The following SVIL variants were observed in gnomAD, a reference collection of about 807,000 sequenced individuals.
SVIL encodes the protein archvillin.
SVIL carries 101 observed loss-of-function variants against 240.4 expected under a neutral mutation model. The ratio of observed to expected loss-of-function variants is 0.42; its 90% CI spans 0.36 to 0.50. The LOEUF (loss-of-function observed/expected upper bound fraction) is 0.50, where lower values mean the gene tolerates loss of function less well. SVIL is among the 20% of genes least tolerant of loss of function. The probability of loss-of-function intolerance (pLI) is 0.01; values close to 1 mark genes in which losing one functional copy is unlikely to be tolerated. For missense variants in SVIL, 2,512 were observed against 2,818.7 expected, an observed-to-expected ratio of 0.89 and a Z score of 2.46; for synonymous variants, 999 against 1,100.0, an observed-to-expected ratio of 0.91 and a Z score of 1.82.
chr10:29,697,033 CCCGGCCAGCCGCCCCGT>C (rs1298652155), intron 1 of SVIL, among the ~76,000 whole-genome samples: 2 of 139,452 alleles, frequency 1.4e-5, no homozygotes, highest in Admixed American at 6.9e-5. Flanking sequence ...CAGCCCCCCG[CCCGGCCAGCCGCCCCGT>C]CCGGGAGGTG....
intron 17 of SVIL, among the ~76,000 whole-genome samples, chr10:29,504,233 T>G (rs1424950914): frequency 6.6e-6 from 1 of 152,200 alleles, no homozygotes; most frequent in South Asian, 2.1e-4. Flanking sequence ...ATTAAAACTA[T>G]AAAACTCCTA....
At chr10:29,636,015 T>C (rs182043498), upstream of SVIL, among the ~76,000 whole-genome samples, 3 of 152,224 alleles carry the variant, frequency 2.0e-5, no homozygotes, top group Admixed American at 2.0e-4. Flanking sequence ...AGGACAGTCC[T>C]GAGGCCAGGT....
chr10:29,498,281 G>A (rs1297963635), intron 18 of SVIL, among the ~76,000 whole-genome samples: 1 of 151,806 alleles, frequency 6.6e-6, no homozygotes, highest in East Asian at 1.9e-4. Flanking sequence ...AGCCAGGCAT[G>A]GTGGTGGCGG....
chr10:29,596,618 TGG>T (rs1956601145), intron 1 of SVIL, among the ~76,000 whole-genome samples: 1 of 152,186 alleles, frequency 6.6e-6, no homozygotes, highest in African/African-American at 2.4e-5. Context: ...TCAGGGCCAC[TGG>T]GCATTGGGCT....
chr10:29,665,228 A>C (rs112039069), intron 2 of SVIL, among the ~76,000 whole-genome samples: 247 of 38,390 alleles, frequency 6.4e-3, no homozygotes, highest in Middle Eastern at 0.015. Context: ...ATCTTGTCTC[A>C]AAAAAAAAAA....
chr10:29,653,076 T>C (rs1247452), intron 3 of SVIL, among the ~76,000 whole-genome samples: 104,722 of 151,336 alleles, frequency 0.69, 36,753 homozygotes, highest in South Asian at 0.81. Context: ...AACAATCCTC[T>C]GCTTTGGCCT....
chr10:29,620,888 A>T (rs1192904958), intron 1 of SVIL, among the ~76,000 whole-genome samples: 1 of 152,160 alleles, frequency 6.6e-6, no homozygotes, highest in Non-Finnish European at 1.5e-5. Context: ...AAGTGCTGGG[A>T]TTACAGGTGT....
intron 1 of SVIL, among the ~76,000 whole-genome samples, chr10:29,733,977 A>C (rs796581800): frequency 3.9e-5 from 6 of 152,362 alleles, no homozygotes; most frequent in African/African-American, 1.4e-4. Context: ...CATTATTTCC[A>C]AAGCATACTT....
intron 6 of SVIL, among the ~76,000 whole-genome samples, chr10:29,544,583 C>A (rs928512165): frequency 6.6e-6 from 1 of 151,576 alleles, no homozygotes; most frequent in Non-Finnish European, 1.5e-5. Flanking sequence ...TGTGAAACCC[C>A]ATCTCTTCCA....
intron 2 of SVIL, among the ~76,000 whole-genome samples, chr10:29,567,125 C>T (rs1217603372): frequency 6.6e-6 from 1 of 152,074 alleles, no homozygotes; most frequent in African/African-American, 2.4e-5. Flanking sequence ...GTGCCGCCAC[C>T]CCCCTTCCTC....
At chr10:29,716,412 G>C (rs143769947) in intron 1 of SVIL, among the ~76,000 whole-genome samples, 53 of 152,164 alleles carry the variant, frequency 3.5e-4, no homozygotes, top group Admixed American at 1.3e-3. Context: ...ATCCAGTGGA[G>C]ACACAGAAAT....
Position 29,458,167 on chromosome 10 carries a change from A to G in SVIL, c.*80T>C. On this transcript the variant is annotated 3_prime_UTR_variant, in exon 38 of 38. Transcript: ENST00000355867. ...TGAAAAATACTTTGTGAAAAACACC[A>G]GTCCAAAAATATATATCCATTTCCC... The G allele has an allele frequency of 7.4e-7, 1 of 1,342,442 alleles. No homozygotes were observed. Among genetic ancestry groups the G allele is most frequent in the Non-Finnish European group, 1.0e-6 (1 of 967,654 alleles). The allele number at this position is 1,342,442 out of a possible 1,614,324, so 83.2% of individuals were successfully genotyped here.
chr10:29,644,846 C>T (rs1958604633), intron 3 of SVIL, among the ~76,000 whole-genome samples: 1 of 151,964 alleles, frequency 6.6e-6, no homozygotes, highest in Non-Finnish European at 1.5e-5. Context: ...GCAGGGGCTA[C>T]AAGACTGAGG....
At chr10:29,735,901 C>T (rs1964879576), upstream of SVIL, 1 of 152,082 alleles carries the variant, frequency 6.6e-6, no homozygotes, top group Non-Finnish European at 1.5e-5. This position sits in a 1 kb window ranked among gnomAD's most constrained non-coding sequence, Gnocchi z 4.1. Flanking sequence ...TGATTCACTT[C>T]GCTCCTTACC....
chr10:29,534,816 C>T (rs1951627304), intron 7 of SVIL, among the ~76,000 whole-genome samples: 1 of 152,166 alleles, frequency 6.6e-6, no homozygotes, highest in Non-Finnish European at 1.5e-5. Context: ...TGGCTTAGTG[C>T]TTAGCAAAGA....
chr10:29,502,413 T>G (rs980169231), intron 17 of SVIL, among the ~76,000 whole-genome samples: 1 of 152,234 alleles, frequency 6.6e-6, no homozygotes, highest in Non-Finnish European at 1.5e-5. Context: ...TGTCTTGTTT[T>G]TTTCCTTCTA....
intron 5 of SVIL, among the ~76,000 whole-genome samples, chr10:29,552,574 A>AG (rs1953475990): frequency 6.6e-6 from 1 of 151,982 alleles, no homozygotes; most frequent in Admixed American, 6.6e-5. Context: ...AAAAAAAAAA[A>AG]AAAAAAAATT....
chr10:29,657,230 C>T (rs1478417313), intron 3 of SVIL, among the ~76,000 whole-genome samples: 1 of 152,066 alleles, frequency 6.6e-6, no homozygotes, highest in Non-Finnish European at 1.5e-5. Flanking sequence ...TTTGCTGCAT[C>T]CCTAGCATCT....
At chr10:29,537,789 C>T (rs528070615) in intron 6 of SVIL, among the ~76,000 whole-genome samples, 3 of 152,250 alleles carry the variant, frequency 2.0e-5, no homozygotes, top group African/African-American at 4.8e-5. Flanking sequence ...GCTGTAACCA[C>T]TGACCTCTAT....
Sources: allele counts gnomAD v4.1 joint callset (sites outside exome capture counted in the v4.1 genomes callset), GRCh38; gene constraint gnomAD v4.1.1; non-coding constraint Gnocchi (gnomAD v3.1); transcripts MANE v1.5; gene names NCBI Gene and HGNC (gene_info 2026-07-23, HGNC 2026-07-21).